Variants in ANKFN1 observed in about 807,000 individuals in gnomAD.
ANKFN1 encodes ankyrin repeat and fibronectin type-III domain-containing protein 1.
Under a neutral mutation model 108.7 loss-of-function variants are expected in ANKFN1, and 74 were observed. The observed-to-expected ratio is 0.68, with a 90% CI of 0.56 to 0.83. ANKFN1 has a LOEUF of 0.83. Ranked by LOEUF, ANKFN1 falls within the 40% of genes least tolerant of loss-of-function variation. The pLI, the probability that ANKFN1 is intolerant of heterozygous loss-of-function variation, is 0.00. For synonymous variants in ANKFN1, 547 were observed against 516.2 expected (o/e 1.06, Z -0.81); for missense variants, 1,505 against 1,382.3 (o/e 1.09, Z -1.41).
chr17:56,323,521 G>C (rs534309203), intron 3 of ANKFN1: 4 of 152,646 alleles, frequency 2.6e-5, no homozygotes, highest in African/African-American at 9.6e-5. Flanking sequence ...TCCTGTAAAA[G>C]TGCTAGGAAG....
At chr17:56,367,950 A>G (rs965554451) in intron 6 of ANKFN1, 5 of 202,534 alleles carry the variant, frequency 2.5e-5, no homozygotes, top group African/African-American at 9.2e-5. Flanking sequence ...GGTTTAGAGA[A>G]AATCCACCGA....
At chr17:56,136,533 G>C (rs1381490178) in intron 4 of ANKFN1, among the ~76,000 whole-genome samples, 2 of 152,168 alleles carry the variant, frequency 1.3e-5, no homozygotes, top group East Asian at 3.9e-4. Context: ...GTGGAAACAG[G>C]GTTTTTGTCA....
chr17:56,245,966 C>T (rs888914925), intron 3 of ANKFN1, among the ~76,000 whole-genome samples: 4 of 152,192 alleles, frequency 2.6e-5, no homozygotes, highest in Non-Finnish European at 4.4e-5. Flanking sequence ...AGATGGACCT[C>T]TTCCCCTGAA....
chr17:56,308,766 G>A (rs62073052), intron 3 of ANKFN1, among the ~76,000 whole-genome samples: 29,236 of 151,952 alleles, frequency 0.19, 3,720 homozygotes, highest in African/African-American at 0.37. Context: ...GAGCGTTATT[G>A]TCATGAATGA....
intron 4 of ANKFN1, among the ~76,000 whole-genome samples, chr17:56,109,245 T>C (rs1202952100): frequency 6.6e-6 from 1 of 152,216 alleles, no homozygotes; most frequent in Non-Finnish European, 1.5e-5. Flanking sequence ...TCATTCAAAC[T>C]TATGTTCACT....
chr17:56,461,341 T>C (rs9913702), intron 14 of ANKFN1, among the ~76,000 whole-genome samples: 120,050 of 152,104 alleles, frequency 0.79, 47,789 homozygotes, highest in East Asian at 0.97. Context: ...CCAATGACTT[T>C]GGTTTCACTA....
chr17:56,220,704 G>A (rs1212327857), intron 2 of ANKFN1, among the ~76,000 whole-genome samples: 2 of 148,050 alleles, frequency 1.4e-5, no homozygotes, highest in South Asian at 4.4e-4. Context: ...AAAGGAAAGG[G>A]AAAGGGAAAG....
chr17:56,424,741 G>T (rs967319132), intron 8 of ANKFN1, among the ~76,000 whole-genome samples: 1 of 152,102 alleles, frequency 6.6e-6, no homozygotes, highest in Non-Finnish European at 1.5e-5. Flanking sequence ...TCTGCAAAGG[G>T]GAAACTTTTC....
At chr17:56,060,616 GT>G (rs1214599993) in intron 4 of ANKFN1, among the ~76,000 whole-genome samples, 1 of 152,108 alleles carries the variant, frequency 6.6e-6, no homozygotes, top group Non-Finnish European at 1.5e-5. Flanking sequence ...TCAATACCTA[GT>G]TTATTGCGTG....
intron 1 of ANKFN1, among the ~76,000 whole-genome samples, chr17:56,162,516 A>G (rs1278465233): frequency 6.6e-6 from 1 of 152,218 alleles, no homozygotes; most frequent in Non-Finnish European, 1.5e-5. Context: ...GGACACAGTC[A>G]TATTGGAGTA....
At chr17:56,101,029 G>A (rs1031402205) in intron 4 of ANKFN1, among the ~76,000 whole-genome samples, 1 of 152,130 alleles carries the variant, frequency 6.6e-6, no homozygotes, top group African/African-American at 2.4e-5. Context: ...TGAGAGTGGA[G>A]GAGGAGACAT....
At chr17:56,295,244 A>G (rs1473426196) in intron 3 of ANKFN1, among the ~76,000 whole-genome samples, 1 of 152,204 alleles carries the variant, frequency 6.6e-6, no homozygotes, top group Non-Finnish European at 1.5e-5. Context: ...TTCTAGTTGT[A>G]TCACCACTCA....
At chr17:56,426,962 T>G (rs1422830024) in intron 8 of ANKFN1, among the ~76,000 whole-genome samples, 1 of 152,238 alleles carries the variant, frequency 6.6e-6, no homozygotes, top group Non-Finnish European at 1.5e-5. Flanking sequence ...ATTGAATTTT[T>G]CAGGATCAGT....
chr17:56,084,010 G>A (rs1015947352), intron 4 of ANKFN1, among the ~76,000 whole-genome samples: 1 of 151,258 alleles, frequency 6.6e-6, no homozygotes, highest in South Asian at 2.1e-4. Flanking sequence ...GTGACCTAGA[G>A]AGCCTGTACT....
At chr17:56,308,466 T>C (rs959718452) in intron 3 of ANKFN1, among the ~76,000 whole-genome samples, 2 of 152,164 alleles carry the variant, frequency 1.3e-5, no homozygotes, top group African/African-American at 4.8e-5. Flanking sequence ...TGTTGGGATT[T>C]TCTACAGACA....
chr17:56,315,088 T>C lies in ANKFN1; in HGVS notation c.54-11133T>C, dbSNP rs1003241832. ...TAACTCTCTTCAGCCTATTTGTTTT[T>C]AATTCAATCAGTTAAAACAGCCACA... On this transcript the variant is annotated intron_variant, in intron 3 of 20. Coordinates refer to ENST00000682825, the MANE Select transcript of ANKFN1 (RefSeq NM_001370326.1). Among the ~76,000 whole-genome samples the C allele has an allele frequency of 5.3e-5, 8 of 152,292 alleles. No homozygotes were observed. In the East Asian group the frequency reaches 1.5e-3, roughly 29 times the overall value.
At chr17:56,314,996 T>G (rs544532144) in intron 3 of ANKFN1, among the ~76,000 whole-genome samples, 8 of 152,330 alleles carry the variant, frequency 5.3e-5, no homozygotes, top group Non-Finnish European at 1.2e-4. Flanking sequence ...TCTCAACTCC[T>G]CAATGCTGCC....
At chr17:56,388,083 A>C (rs937678857) in intron 8 of ANKFN1, among the ~76,000 whole-genome samples, 1 of 151,454 alleles carries the variant, frequency 6.6e-6, no homozygotes, top group Non-Finnish European at 1.5e-5. Context: ...TAGTTCTAGC[A>C]GTTACCTCTC....
chr17:56,481,781 G>C (rs2050712878), intron 17 of ANKFN1, among the ~76,000 whole-genome samples: 1 of 152,118 alleles, frequency 6.6e-6, no homozygotes, highest in African/African-American at 2.4e-5. Flanking sequence ...AGGTGGCCGT[G>C]TGTTCACTAG....
Sources: gnomAD v4.1 joint callset for allele counts (sites outside exome capture counted in the v4.1 genomes callset) on GRCh38, gnomAD v4.1.1 for gene constraint, MANE v1.5 for transcripts, NCBI Gene and HGNC (gene_info 2026-07-23, HGNC 2026-07-21) for gene names.